Variants in TVP23A observed in about 807,000 individuals in gnomAD.
TVP23A encodes the protein Golgi apparatus membrane protein TVP23 homolog A.
A neutral mutation model predicts 31.7 loss-of-function variants in TVP23A; 21 were observed. The ratio of observed to expected loss-of-function variants is 0.66; its 90% confidence interval spans 0.47 to 0.95. The LOEUF (loss-of-function observed/expected upper bound fraction) is 0.95, where lower values mean the gene tolerates loss of function less well. Ranked by LOEUF, TVP23A falls within the 40% of genes least tolerant of loss-of-function variation. The probability of loss-of-function intolerance (pLI) is 0.00; values close to 1 mark genes in which losing one functional copy is unlikely to be tolerated. For missense variants in TVP23A, 279 were observed against 255.6 expected (o/e 1.09, Z -0.62); for synonymous variants, 104 against 96.0 (o/e 1.08, Z -0.49).
Position 10,767,522 on chromosome 16 carries a change from T to A in TVP23A, c.*1580A>T, listed in dbSNP as rs1345456630. 2 of 439,118 alleles carry A rather than the reference T, an allele frequency of 4.6e-6. No individual in the cohort carries two copies. Among genetic ancestry groups the A allele is most frequent in the Non-Finnish European group, 8.0e-6 (2 of 251,022 alleles). 27.2% of individuals were successfully genotyped at this position (439,118 alleles called of 1,614,324 possible). A position where few individuals can be genotyped will look rare whatever the true frequency, so the allele number is the denominator to read the frequency against. ...AGTGTGCACATTTATATGCGCATAA[T>A]CTTTCTGGAAAGACACCTAGAACAC... is the stretch of plus-strand genomic sequence containing the variant. On this transcript the variant is annotated 3_prime_UTR_variant, in exon 8 of 8. Transcript: ENST00000299866. The surrounding 1 kb of genome is among the most constrained non-coding windows in gnomAD (Gnocchi z 4.6).
downstream of TVP23A, chr16:10,757,950 T>G (rs765868039): frequency 1.2e-6 from 2 of 1,613,932 alleles, no homozygotes; most frequent in Non-Finnish European, 1.7e-6. This position sits in a 1 kb window ranked among gnomAD's most constrained non-coding sequence, Gnocchi z 4.1. Context: ...ACCTGGGACG[T>G]CGGATGAACA....
intron 2 of TVP23A, among the ~76,000 whole-genome samples, chr16:10,794,783 T>C (rs1008282751): frequency 3.3e-5 from 5 of 152,016 alleles, no homozygotes; most frequent in Non-Finnish European, 7.4e-5. Flanking sequence ...GGGCCACCTG[T>C]CCTAGTTTTC....
chr16:10,784,355 G>T (rs2032610683), intron 2 of TVP23A, among the ~76,000 whole-genome samples: 2 of 148,810 alleles, frequency 1.3e-5, no homozygotes, highest in Admixed American at 6.7e-5. Context: ...ATCAACCTGG[G>T]CAACATGGTA....
chr16:10,761,890 A>C, downstream of TVP23A: 1 of 1,545,408 alleles, frequency 6.5e-7, no homozygotes, highest in Non-Finnish European at 8.9e-7. Flanking sequence ...GCGGCACCTC[A>C]CTCCTCGGTC....
chr16:10,778,711 A>C (rs562611282), intron 2 of TVP23A, among the ~76,000 whole-genome samples: 52 of 152,244 alleles, frequency 3.4e-4, no homozygotes, highest in African/African-American at 1.2e-3. Context: ...CATGCCTATA[A>C]TCCCAGCACT....
intron 2 of TVP23A, among the ~76,000 whole-genome samples, chr16:10,804,872 T>A (rs1219251767): frequency 6.6e-6 from 1 of 152,170 alleles, no homozygotes; most frequent in African/African-American, 2.4e-5. Flanking sequence ...GAACAATTCA[T>A]ACTGTTGTCC....
chr16:10,813,999 CAA>C (rs201277067), intron 2 of TVP23A, among the ~76,000 whole-genome samples: 1,211 of 48,864 alleles, frequency 0.025, 4 homozygotes, highest in African/African-American at 0.047. Flanking sequence ...AACTCCATCT[CAA>C]AAAAAAAAAA....
At chr16:10,759,187 T>C (rs1900772922), downstream of TVP23A, among the ~76,000 whole-genome samples, 1 of 152,204 alleles carries the variant, frequency 6.6e-6, no homozygotes, top group Non-Finnish European at 1.5e-5. This position sits in a 1 kb window ranked among gnomAD's most constrained non-coding sequence, Gnocchi z 4.7. Flanking sequence ...TAAAAAGGCC[T>C]GGCTCTCCCT....
rs573815352 is a variant in TVP23A, at chr16:10,808,446, A to T, written c.89+9657T>A. On this transcript the variant is annotated intron_variant, in intron 2 of 7. Transcript: ENST00000299866. Reference sequence around the variant, plus strand: ...GTGATTTCCTGTAGTGTCTGAGACCACAGGACAATGATCTTCTCAATATGA... The same window carrying T: ...GTGATTTCCTGTAGTGTCTGAGACCTCAGGACAATGATCTTCTCAATATGA... 1.6e-5 allele frequency: 7 copies of T among 450,256 alleles called. No homozygotes were observed. In the East Asian group the frequency reaches 4.9e-4, roughly 32 times the overall value. The allele number at this position is 450,256 out of a possible 1,614,324, so 27.9% of individuals were successfully genotyped here.
chr16:10,793,187 G>A (rs2033199810), intron 2 of TVP23A, among the ~76,000 whole-genome samples: 2 of 152,152 alleles, frequency 1.3e-5, no homozygotes, highest in Non-Finnish European at 2.9e-5. Context: ...TACTCGGGAA[G>A]CTGAGGCAGG....
At chr16:10,815,652 C>T (rs2034405407) in intron 2 of TVP23A, among the ~76,000 whole-genome samples, 1 of 152,088 alleles carries the variant, frequency 6.6e-6, no homozygotes, top group South Asian at 2.1e-4. Context: ...AAGTATCTGG[C>T]CTAAAATGTC....
chr16:10,799,922 T>C (rs1274388515), intron 2 of TVP23A, among the ~76,000 whole-genome samples: 3 of 151,470 alleles, frequency 2.0e-5, no homozygotes, highest in Admixed American at 1.3e-4. Context: ...GCCAGCCAGA[T>C]GGCATGAAAA....
At position 10,798,173 on chromosome 16, in the gene TVP23A, A is replaced by G. The variant is rs2033505149; in HGVS notation, c.89+19930T>C. 4.6e-5 allele frequency among the ~76,000 whole-genome samples: 7 copies of G among 151,496 alleles called. 1 individual carries two copies. In the South Asian group the frequency reaches 1.5e-3, roughly 32 times the overall value. ...GACGGGTTTCACCATGTTAGCCAGG[A>G]TGGTCTCGATCTCCTGACCTTGTTA... On this transcript the variant is annotated intron_variant, in intron 2 of 7. Coordinates refer to ENST00000299866, the MANE Select transcript of TVP23A (RefSeq NM_001079512.4).
At position 10,768,817 on chromosome 16, in the gene TVP23A, C is replaced by T; in HGVS notation, c.*285G>A. 2.3e-6 allele frequency: 1 copy of T among 443,382 alleles called. No individual in the cohort carries two copies. Among genetic ancestry groups the T allele is most frequent in the Non-Finnish European group, 4.0e-6 (1 of 250,676 alleles). 27.5% of individuals were successfully genotyped at this position (443,382 alleles called of 1,614,324 possible). A position where few individuals can be genotyped will look rare whatever the true frequency, so the allele number is the denominator to read the frequency against. On this transcript the variant is annotated 3_prime_UTR_variant, in exon 8 of 8. Coordinates refer to ENST00000299866, the MANE Select transcript of TVP23A (RefSeq NM_001079512.4). This position sits in a 1 kb window ranked among gnomAD's most constrained non-coding sequence, Gnocchi z 4.3. ...AGGAAACAGCATTCCCAGAATCCTC[C>T]ATCTATAGATGGTCCGAGGAAGGCC...
intron 7 of TVP23A, chr16:10,769,526 A>G (rs2031380774): frequency 6.0e-6 from 1 of 166,166 alleles, no homozygotes; most frequent in African/African-American, 2.4e-5. Flanking sequence ...TGCAGAACAC[A>G]CAGGCTTGTT....
intron 2 of TVP23A, among the ~76,000 whole-genome samples, chr16:10,794,844 G>A (rs1331761615): frequency 6.6e-6 from 1 of 152,060 alleles, no homozygotes; most frequent in Non-Finnish European, 1.5e-5. Flanking sequence ...GAATCAACAG[G>A]AGGTCCTAGG....
chr16:10,789,123 C>G (rs1291150179), intron 2 of TVP23A, among the ~76,000 whole-genome samples: 1 of 152,150 alleles, frequency 6.6e-6, no homozygotes, highest in Admixed American at 6.5e-5. Flanking sequence ...CCACCGTGCC[C>G]GGACAAGAGC....
Position 10,775,049 on chromosome 16 carries a change from A to G in TVP23A, c.137T>C (p.Ile46Thr), listed in dbSNP as rs1451426852. 1 of 1,612,050 alleles carries G rather than the reference A, an allele frequency of 6.2e-7. No homozygotes were observed. The highest frequency in any genetic ancestry group is 1.7e-5 in the Admixed American group (1 of 59,738). Residue 46 changes from isoleucine (I) to threonine (T), a missense_variant, in exon 3 of 8, where the codon ATC (isoleucine) becomes ACC (threonine). By Grantham distance (89) the Ile-to-Thr change is moderately conservative. Transcript: ENST00000299866. ...CCAGTCGCAGCTCACGTAGGTGACG[A>G]TGGCACTCACTCGGAAAAACAGGTG... ...FFHLFFRVSA[I>T]VTYVSCDWFS...
In TVP23A at chr16:10,769,094, A is replaced by G. The variant is rs1473529838; in HGVS notation, c.*8T>C. 1 of 1,613,652 alleles carries G rather than the reference A, an allele frequency of 6.2e-7. No individual in the cohort carries two copies. The highest frequency in any genetic ancestry group is 1.3e-5 in the African/African-American group (1 of 74,996). On this transcript the variant is annotated 3_prime_UTR_variant, in exon 8 of 8. Transcript: ENST00000299866. ...CCATCAGTCAAAAGAAGAGAACCTC[A>G]TCAGTTCCTGAAACGAGAGAATGTT...
Sources: gnomAD v4.1 joint callset for allele counts (sites outside exome capture counted in the v4.1 genomes callset) on GRCh38, gnomAD v4.1.1 for gene constraint, Gnocchi (gnomAD v3.1) non-coding constraint, MANE v1.5 for transcripts, NCBI Gene and HGNC (gene_info 2026-07-23, HGNC 2026-07-21) for gene names.